Variants in ESRRG observed in about 807,000 individuals in gnomAD.
ESRRG encodes the protein estrogen-related receptor gamma.
ESRRG carries 13 observed loss-of-function variants against 44.0 expected under a neutral mutation model. The ratio of observed to expected loss-of-function variants is 0.30; its 90% CI spans 0.19 to 0.47. The LOEUF is 0.47. ESRRG is among the 20% of genes least tolerant of loss of function. The pLI, the probability that ESRRG is intolerant of heterozygous loss-of-function variation, is 1.00. For synonymous variants in ESRRG, 215 were observed against 214.6 expected, an observed-to-expected ratio of 1.00 and a Z score of -0.02; for missense variants, 395 against 580.6, an observed-to-expected ratio of 0.68 and a Z score of 3.29.
intron 3 of ESRRG, among the ~76,000 whole-genome samples, chr1:216,581,591 A>G (rs2062776541): frequency 6.6e-6 from 1 of 151,730 alleles, no homozygotes; most frequent in South Asian, 2.1e-4. Flanking sequence ...TACAGGGACT[A>G]CCTACACAAA....
chr1:216,679,431 A>G (rs1488754874), intron 1 of ESRRG, among the ~76,000 whole-genome samples: 2 of 152,018 alleles, frequency 1.3e-5, no homozygotes, highest in African/African-American at 2.4e-5. Context: ...CACTTACACC[A>G]CCACTTCACT....
At chr1:216,743,088 C>T (rs2090957471) in intron 2 of ESRRG, among the ~76,000 whole-genome samples, 1 of 152,152 alleles carries the variant, frequency 6.6e-6, no homozygotes, top group Non-Finnish European at 1.5e-5. Flanking sequence ...CTGTGTCTCA[C>T]CATGATAGTC....
chr1:216,562,409 T>C (rs1193794800), intron 5 of ESRRG, among the ~76,000 whole-genome samples: 1 of 152,160 alleles, frequency 6.6e-6, no homozygotes, highest in African/African-American at 2.4e-5. Flanking sequence ...TACCTCTCTC[T>C]ACCTCAAATC....
At chr1:216,732,177 TA>T (rs2088948151) in intron 2 of ESRRG, among the ~76,000 whole-genome samples, 2 of 150,596 alleles carry the variant, frequency 1.3e-5, no homozygotes, top group South Asian at 4.2e-4. Flanking sequence ...GAATACCCAA[TA>T]TTTTTGCTAT....
rs754807785 is a variant in ESRRG, at chr1:216,785,656, G to A, written c.-13-108165C>T. Among the ~76,000 whole-genome samples the A allele has an allele frequency of 1.1e-4, 17 of 152,022 alleles. 1 individual carries two copies. The highest frequency in any genetic ancestry group is 1.5e-4 in the Non-Finnish European group (10 of 67,972). On this transcript the variant is annotated intron_variant, in intron 2 of 7. Coordinates refer to the ESRRG transcript ENST00000359162. ...AATGGTTGTGAGAACTGCATTCTCC[G>A]CAAGAGAAGGGTCTCCTTTAAAAAA... is the stretch of plus-strand genomic sequence containing the variant.
rs541164772 is a variant in ESRRG at position 216,690,834 on chromosome 1, G to T, written c.57-13343C>A. Among the ~76,000 whole-genome samples the T allele has an allele frequency of 5.3e-5, 8 of 152,268 alleles. No homozygotes were observed. In the South Asian group the frequency reaches 1.7e-3, roughly 32 times the overall value. On this transcript the variant is annotated intron_variant, in intron 1 of 6. Transcript: ENST00000408911. ...CAGGCAAAGCCCAGTTCAAAGTCCA[G>T]ATTTCCATCTCTTAGGCCAGCTCTT...
chr1:216,912,349 AAGGG>A (rs1476665978), intron 2 of ESRRG, among the ~76,000 whole-genome samples: 3 of 134,980 alleles, frequency 2.2e-5, no homozygotes, highest in Admixed American at 7.4e-5. Context: ...GGAAGGAAGC[AAGGG>A]AGGGAGGGAG....
intron 5 of ESRRG, among the ~76,000 whole-genome samples, chr1:216,527,562 T>C (rs891575556): frequency 6.6e-6 from 1 of 152,140 alleles, no homozygotes; most frequent in African/African-American, 2.4e-5. Context: ...CCTCCATGGA[T>C]GTCCTAACAT....
intron 1 of ESRRG, among the ~76,000 whole-genome samples, chr1:217,085,316 C>T (rs1253865042): frequency 4.6e-5 from 7 of 152,042 alleles, no homozygotes; most frequent in Admixed American, 3.9e-4. Context: ...AGCTGTGTTA[C>T]TTTCTGCAAT....
At chr1:216,596,394 A>C (rs1413796140) in intron 3 of ESRRG, among the ~76,000 whole-genome samples, 1 of 152,160 alleles carries the variant, frequency 6.6e-6, no homozygotes, top group Non-Finnish European at 1.5e-5. Flanking sequence ...CTCTCTCTTC[A>C]AAGTCAGAGG....
intron 2 of ESRRG, among the ~76,000 whole-genome samples, chr1:216,745,541 A>G (rs560126242): frequency 6.7e-6 from 1 of 149,402 alleles, no homozygotes; most frequent in East Asian, 2.0e-4. Flanking sequence ...TATTGCAGAC[A>G]CTGTGCTATG....
intron 3 of ESRRG, among the ~76,000 whole-genome samples, chr1:216,617,020 G>C (rs1361995936): frequency 6.6e-6 from 1 of 152,094 alleles, no homozygotes; most frequent in Non-Finnish European, 1.5e-5. Flanking sequence ...TGAAACTACT[G>C]TACTGCATCT....
In ESRRG at chr1:216,773,615, C is replaced by T. The variant is rs370457469; in HGVS notation, c.-13-96124G>A. Among the ~76,000 whole-genome samples the T allele has an allele frequency of 2.0e-5, 3 of 152,056 alleles. No homozygotes were observed. In the East Asian group the frequency reaches 5.8e-4, roughly 29 times the overall value. On this transcript the variant is annotated intron_variant, in intron 2 of 7. Transcript: ENST00000359162. ...AATAAATATCCAAAAGATAGAAAAA[C>T]ATTTACAAATCCCCAACACATGTTC...
At chr1:216,906,216 CCATTT>C (rs2059673321) in intron 2 of ESRRG, among the ~76,000 whole-genome samples, 1 of 152,132 alleles carries the variant, frequency 6.6e-6, no homozygotes, top group South Asian at 2.1e-4. Context: ...CCCCTCCATT[CCATTT>C]CATTTATCTA....
chr1:217,081,221 C>CCTT (rs750003890), intron 1 of ESRRG, among the ~76,000 whole-genome samples: 5 of 70,412 alleles, frequency 7.1e-5, no homozygotes, highest in African/African-American at 3.0e-4. Context: ...TAAAAATATT[C>CCTT]TTTTTTTTTT....
At chr1:217,100,564 T>C (rs2092495711) in intron 1 of ESRRG, among the ~76,000 whole-genome samples, 1 of 152,216 alleles carries the variant, frequency 6.6e-6, no homozygotes, top group African/African-American at 2.4e-5. Flanking sequence ...TGTAAATACC[T>C]GTCACTGGGT....
chr1:216,969,216 C>T (rs550242740), intron 1 of ESRRG, among the ~76,000 whole-genome samples: 2 of 152,212 alleles, frequency 1.3e-5, no homozygotes, highest in East Asian at 1.9e-4. Context: ...TTTCTACTGT[C>T]ATGAAGCTCA....
intron 1 of ESRRG, among the ~76,000 whole-genome samples, chr1:216,969,075 G>A (rs1452343346): frequency 6.6e-6 from 1 of 152,006 alleles, no homozygotes; most frequent in Non-Finnish European, 1.5e-5. Flanking sequence ...CTTACTTTGG[G>A]AAATCTTTCT....
At chr1:216,983,881 C>T (rs1259916928) in intron 1 of ESRRG, among the ~76,000 whole-genome samples, 2 of 152,060 alleles carry the variant, frequency 1.3e-5, no homozygotes, top group African/African-American at 4.8e-5. Flanking sequence ...TCTTATCTCC[C>T]AGAAGGTGAA....
Sources: allele counts gnomAD v4.1 joint callset (sites outside exome capture counted in the v4.1 genomes callset), GRCh38; gene constraint gnomAD v4.1.1; transcripts MANE v1.5; gene names NCBI Gene and HGNC (gene_info 2026-07-23, HGNC 2026-07-21).